The following MRTFA variants were observed in gnomAD, a reference collection of about 807,000 sequenced individuals.
MRTFA encodes myocardin related transcription factor A, also known as myocardin-related transcription factor A.
Under a neutral mutation model 83.5 loss-of-function variants are expected in MRTFA, and 20 were observed. That is an observed-to-expected ratio of 0.24 (90% CI 0.17 to 0.35). The LOEUF (loss-of-function observed/expected upper bound fraction) is 0.35. Ranked by LOEUF, MRTFA falls within the 10% of genes least tolerant of loss-of-function variation. The probability of loss-of-function intolerance (pLI) is 1.00; values close to 1 mark genes in which losing one functional copy is unlikely to be tolerated. For missense variants in MRTFA, 1,200 were observed against 1,224.7 expected (o/e 0.98, Z 0.30); for synonymous variants, 659 against 541.2 (o/e 1.22, Z -3.02).
At chr22:40,578,608 C>T (rs1342253878) in intron 2 of MRTFA, among the ~76,000 whole-genome samples, 1 of 151,966 alleles carries the variant, frequency 6.6e-6, no homozygotes, top group African/African-American at 2.4e-5. Context: ...TCCATTCTCT[C>T]AAAATTTTTT....
intron 12 of MRTFA, 103 bp downstream of exon 12, chr22:40,418,271 C>A: frequency 1.3e-6 from 2 of 1,513,252 alleles, no homozygotes; most frequent in African/African-American, 1.4e-5. Context: ...GAAGCAAACA[C>A]AAAATGTCCA....
intron 3 of MRTFA, among the ~76,000 whole-genome samples, chr22:40,502,028 G>A (rs1163024995): frequency 4.5e-5 from 6 of 132,880 alleles, no homozygotes; most frequent in African/African-American, 1.5e-4. Context: ...GCCAGGCGGG[G>A]GGCTGACCCC....
At chr22:40,429,428 A>G in intron 7 of MRTFA, 178 bp downstream of exon 7, 1 of 744,264 alleles carries the variant, frequency 1.3e-6, no homozygotes, top group Non-Finnish European at 2.4e-6. Flanking sequence ...GCACTATCCC[A>G]AGTTCATACA....
At chr22:40,582,190 T>G (rs541770577) in intron 2 of MRTFA, among the ~76,000 whole-genome samples, 1 of 152,350 alleles carries the variant, frequency 6.6e-6, no homozygotes, top group East Asian at 1.9e-4. Flanking sequence ...TATGACAGGC[T>G]TCTTTCACTT....
intron 3 of MRTFA, among the ~76,000 whole-genome samples, chr22:40,478,748 C>CAA (rs1306648143): frequency 1.3e-5 from 2 of 152,144 alleles, no homozygotes; most frequent in Admixed American, 1.3e-4. Context: ...CTGGTGGAGG[C>CAA]AAACCAGTGT....
At chr22:40,446,853 G>A (rs2053387349) in intron 4 of MRTFA, among the ~76,000 whole-genome samples, 1 of 152,166 alleles carries the variant, frequency 6.6e-6, no homozygotes, top group Non-Finnish European at 1.5e-5. Context: ...ATAAATATCT[G>A]CGAGCCTACA....
At position 40,416,941 on chromosome 22, in the gene MRTFA, G is replaced by T. The variant is rs966143834; in HGVS notation, c.2578+45C>A. 4.5e-6 allele frequency: 7 copies of T among 1,546,584 alleles called. No individual in the cohort carries two copies. The highest frequency in any genetic ancestry group is 6.2e-6 in the Non-Finnish European group (7 of 1,137,216). On this transcript the variant is annotated intron_variant, in intron 14 of 14. Transcript: ENST00000355630. The surrounding 1 kb of genome is among the most constrained non-coding windows in gnomAD (Gnocchi z 4.2). ...CCAACCCAGGGCTAGAGACACCTAT[G>T]AACAGAGAAGGCCGTCAGGGAGGCA...
At chr22:40,414,161 A>G (rs2052625545) in intron 14 of MRTFA, among the ~76,000 whole-genome samples, 1 of 152,198 alleles carries the variant, frequency 6.6e-6, no homozygotes, top group South Asian at 2.1e-4. Flanking sequence ...CAACACAGTG[A>G]AACCCCGTCT....
At chr22:40,458,815 T>G (rs1210025707) in intron 4 of MRTFA, among the ~76,000 whole-genome samples, 2 of 152,100 alleles carry the variant, frequency 1.3e-5, no homozygotes, top group Non-Finnish European at 2.9e-5. Context: ...TGGAGGCTCA[T>G]GCCTGTAATC....
chr22:40,489,615 A>G (rs2054237011), intron 3 of MRTFA, among the ~76,000 whole-genome samples: 1 of 151,958 alleles, frequency 6.6e-6, no homozygotes, highest in African/African-American at 2.4e-5. Flanking sequence ...CACCCAGCCC[A>G]TAATTTGAGT....
At chr22:40,590,105 A>G (rs1028434695) in intron 2 of MRTFA, among the ~76,000 whole-genome samples, 1 of 151,856 alleles carries the variant, frequency 6.6e-6, no homozygotes, top group Non-Finnish European at 1.5e-5. Flanking sequence ...TTTTTTGCAT[A>G]CTGTCTTCCA....
chr22:40,621,481 C>T (rs931982262), intron 1 of MRTFA, among the ~76,000 whole-genome samples: 1 of 152,052 alleles, frequency 6.6e-6, no homozygotes, highest in African/African-American at 2.4e-5. Flanking sequence ...AACAGGGAGT[C>T]ATTGTTTAAT....
chr22:40,633,869 A>G (rs1043880428), intron 1 of MRTFA, among the ~76,000 whole-genome samples: 9 of 152,152 alleles, frequency 5.9e-5, no homozygotes, highest in Non-Finnish European at 8.8e-5. Flanking sequence ...CCTCTACAAA[A>G]GCATGTTAAA....
chr22:40,504,559 C>G (rs1448421644), intron 3 of MRTFA, among the ~76,000 whole-genome samples: 2 of 152,086 alleles, frequency 1.3e-5, no homozygotes, highest in Admixed American at 1.3e-4. Context: ...ACTTCTAATT[C>G]TAATATTTTT....
At chr22:40,633,076 C>A (rs1476104549) in intron 1 of MRTFA, among the ~76,000 whole-genome samples, 2 of 152,156 alleles carry the variant, frequency 1.3e-5, no homozygotes, top group Non-Finnish European at 2.9e-5. Flanking sequence ...AAGCCTATAC[C>A]ACTTCATCCA....
chr22:40,615,041 G>A lies in MRTFA; in HGVS notation c.-83-20306C>T, dbSNP rs746217472. Among the ~76,000 whole-genome samples the A allele has an allele frequency of 2.8e-4, 42 of 151,180 alleles. 1 individual carries two copies. Among genetic ancestry groups the A allele is most frequent in the Admixed American group, 2.5e-3 (38 of 15,182 alleles). On this transcript the variant is annotated intron_variant, in intron 1 of 14. Coordinates refer to ENST00000355630, the MANE Select transcript of MRTFA (RefSeq NM_020831.6). ...CTTTTATGGTGAGTGCTCCTTACAC[G>A]TGCTAGAAAAAAAAAAATCTGCCTA... is the stretch of plus-strand genomic sequence containing the variant.
chr22:40,519,735 G>T, intron 3 of MRTFA: 1 of 579,298 alleles, frequency 1.7e-6, no homozygotes, highest in Non-Finnish European at 2.6e-6. Flanking sequence ...AGTCAGGCTA[G>T]TACAAACGCC....
At chr22:40,428,599 G>A (rs1883266) in intron 7 of MRTFA, among the ~76,000 whole-genome samples, 2,808 of 152,212 alleles carry the variant, frequency 0.018, 92 homozygotes, top group African/African-American at 0.065. Flanking sequence ...CTACGGCCTT[G>A]AACTCTTGGA....
At chr22:40,578,560 A>G (rs2055900872) in intron 2 of MRTFA, among the ~76,000 whole-genome samples, 1 of 152,140 alleles carries the variant, frequency 6.6e-6, no homozygotes. Context: ...TGAGGCCAGG[A>G]GTTCAAGACC....
Sources: allele counts gnomAD v4.1 joint callset (sites outside exome capture counted in the v4.1 genomes callset), GRCh38; gene constraint gnomAD v4.1.1; non-coding constraint Gnocchi (gnomAD v3.1); transcripts MANE v1.5; gene names NCBI Gene and HGNC (gene_info 2026-07-23, HGNC 2026-07-21).